The following FSTL5 variants were observed in gnomAD, a reference collection of about 807,000 sequenced individuals.
FSTL5 encodes follistatin-related protein 5.
In FSTL5, 62 loss-of-function variants were observed where a neutral mutation model predicts 89.1. The observed-to-expected ratio is 0.70, with a 90% confidence interval of 0.57 to 0.86. The LOEUF is 0.86. Ranked by LOEUF, FSTL5 falls within the 40% of genes least tolerant of loss-of-function variation. The probability of loss-of-function intolerance (pLI) is 0.00; values close to 1 mark genes in which losing one functional copy is unlikely to be tolerated. For missense variants in FSTL5, 1,057 were observed against 1,001.6 expected, an observed-to-expected ratio of 1.06 and a Z score of -0.75; for synonymous variants, 383 against 346.2, an observed-to-expected ratio of 1.11 and a Z score of -1.18.
At chr4:161,681,566 G>A (rs542759797) in intron 6 of FSTL5, among the ~76,000 whole-genome samples, 14 of 152,004 alleles carry the variant, frequency 9.2e-5, no homozygotes, top group Non-Finnish European at 1.5e-4. Context: ...AATAAGCAGG[G>A]TTTACATAAA....
rs566057576 is a variant in FSTL5 at position 162,026,288 on chromosome 4, A to T, written c.160+7337T>A. Among the ~76,000 whole-genome samples, 11 of 71,702 alleles carry T rather than the reference A, an allele frequency of 1.5e-4. No homozygotes were observed. The Admixed American group carries it at 1.6e-3, about 10-fold the overall frequency. 47.0% of individuals were successfully genotyped at this position (71,702 alleles called of 152,430 possible). A position where few individuals can be genotyped will look rare whatever the true frequency, so the allele number is the denominator to read the frequency against. ...ACATGACATTCAATTATTTCAGGAGACAGCTTATGTATTTTCTTTTTTTTT... is the reference window on the plus strand; with the variant it reads ...ACATGACATTCAATTATTTCAGGAGTCAGCTTATGTATTTTCTTTTTTTTT... On this transcript the variant is annotated intron_variant, in intron 3 of 15. Coordinates refer to ENST00000306100, the MANE Select transcript of FSTL5 (RefSeq NM_020116.5).
chr4:161,715,441 G>A (rs1378217608), intron 6 of FSTL5, among the ~76,000 whole-genome samples: 1 of 151,986 alleles, frequency 6.6e-6, no homozygotes, highest in Non-Finnish European at 1.5e-5. Flanking sequence ...TCCAGTCTCT[G>A]TGATCATTTA....
chr4:162,027,963 T>C (rs1737363669), intron 3 of FSTL5, among the ~76,000 whole-genome samples: 1 of 152,162 alleles, frequency 6.6e-6, no homozygotes, highest in African/African-American at 2.4e-5. Context: ...AAAATTATAG[T>C]ATAAACCATT....
chr4:161,835,525 C>A (rs377016854), intron 4 of FSTL5, among the ~76,000 whole-genome samples: 58 of 151,942 alleles, frequency 3.8e-4, no homozygotes, highest in East Asian at 1.9e-3. Flanking sequence ...CAACCTACAA[C>A]ATGGGAGAAA....
intron 7 of FSTL5, among the ~76,000 whole-genome samples, chr4:161,621,827 C>CAAAAAAA (rs58143952): frequency 2.2e-5 from 2 of 90,380 alleles, no homozygotes; most frequent in Non-Finnish European, 2.3e-5. Context: ...TCTAAAAATA[C>CAAAAAAA]AAAAAAAAAA....
chr4:161,418,397 G>A (rs1448016274), intron 15 of FSTL5, among the ~76,000 whole-genome samples: 1 of 152,078 alleles, frequency 6.6e-6, no homozygotes, highest in East Asian at 1.9e-4. Context: ...CAGTACAAAA[G>A]CACTCAGCGA....
At chr4:162,148,334 A>G (rs1733082526) in intron 1 of FSTL5, among the ~76,000 whole-genome samples, 1 of 152,174 alleles carries the variant, frequency 6.6e-6, no homozygotes, top group Admixed American at 6.5e-5. Flanking sequence ...TGAGAAAAAA[A>G]TGCACTATTT....
At chr4:162,028,882 CT>C (rs1358381437) in intron 3 of FSTL5, among the ~76,000 whole-genome samples, 8 of 152,098 alleles carry the variant, frequency 5.3e-5, no homozygotes, top group Non-Finnish European at 1.2e-4. Context: ...GCTACTTGAC[CT>C]TGAAGTAGTG....
chr4:162,130,330 T>G (rs1435847879), intron 1 of FSTL5, among the ~76,000 whole-genome samples: 1 of 152,162 alleles, frequency 6.6e-6, no homozygotes, highest in Non-Finnish European at 1.5e-5. Flanking sequence ...AAGAGGTTCA[T>G]GAGTTTGAAA....
intron 15 of FSTL5, among the ~76,000 whole-genome samples, chr4:161,413,584 A>T (rs1294644069): frequency 1.3e-5 from 2 of 152,200 alleles, no homozygotes; most frequent in African/African-American, 4.8e-5. Flanking sequence ...CATATACTCA[A>T]AAGAAAATAA....
chr4:161,616,950 T>G (rs532612218), intron 7 of FSTL5, among the ~76,000 whole-genome samples: 47 of 150,298 alleles, frequency 3.1e-4, no homozygotes, highest in African/African-American at 9.8e-4. Context: ...CAATCAGACA[T>G]GCAAACAGGA....
At chr4:162,030,008 A>C (rs925721433) in intron 3 of FSTL5, among the ~76,000 whole-genome samples, 2 of 151,690 alleles carry the variant, frequency 1.3e-5, no homozygotes, top group Non-Finnish European at 2.9e-5. Flanking sequence ...TTCTGGCTTC[A>C]AGCTATTCTC....
At chr4:161,481,270 A>T (rs1265574359) in intron 12 of FSTL5, 101 bp from the exon 13 acceptor site, 2 of 763,006 alleles carry the variant, frequency 2.6e-6, no homozygotes, top group Non-Finnish European at 4.1e-6. Context: ...TACTACTTTC[A>T]GCATCAAATG....
At chr4:161,490,253 A>G (rs545996874) in intron 12 of FSTL5, among the ~76,000 whole-genome samples, 1 of 152,286 alleles carries the variant, frequency 6.6e-6, no homozygotes, top group Non-Finnish European at 1.5e-5. Context: ...CCGATATAAT[A>G]CAAGTTCTCC....
At chr4:161,437,506 G>A (rs535958708) in intron 15 of FSTL5, among the ~76,000 whole-genome samples, 206 of 138,192 alleles carry the variant, frequency 1.5e-3, no homozygotes, top group African/African-American at 4.5e-3. Context: ...GGCGGAGCTT[G>A]CAGTGAGCAG....
intron 4 of FSTL5, among the ~76,000 whole-genome samples, chr4:161,832,114 G>A (rs1382495530): frequency 1.3e-5 from 2 of 152,020 alleles, no homozygotes; most frequent in Non-Finnish European, 1.5e-5. Flanking sequence ...CATGGTAAAT[G>A]TTATGATAGT....
chr4:161,974,984 C>CA (rs1463618694), intron 3 of FSTL5, among the ~76,000 whole-genome samples: 1 of 138,246 alleles, frequency 7.2e-6, no homozygotes, highest in African/African-American at 2.8e-5. Flanking sequence ...TTTATGCAGC[C>CA]AAAAAACACA....
At chr4:161,866,192 T>C (rs1467235584) in intron 4 of FSTL5, among the ~76,000 whole-genome samples, 2 of 152,190 alleles carry the variant, frequency 1.3e-5, no homozygotes, top group African/African-American at 4.8e-5. Context: ...TTCCCCAAGA[T>C]TTAGGCAGTT....
chr4:161,848,048 A>AAC (rs1553971145), intron 4 of FSTL5, among the ~76,000 whole-genome samples: 97 of 146,620 alleles, frequency 6.6e-4, no homozygotes, highest in African/African-American at 2.5e-3. Flanking sequence ...AAAAAAAAAA[A>AAC]AAAAAAAAAA....
Sources: gnomAD v4.1 joint callset for allele counts (sites outside exome capture counted in the v4.1 genomes callset) on GRCh38, gnomAD v4.1.1 for gene constraint, MANE v1.5 for transcripts, NCBI Gene and HGNC (gene_info 2026-07-23, HGNC 2026-07-21) for gene names.